INPP4B: variants seen among roughly 807,000 people sequenced by gnomAD.
The protein encoded by INPP4B is inositol polyphosphate-4-phosphatase type II B.
INPP4B carries 55 observed loss-of-function variants against 122.5 expected under a neutral mutation model. The ratio of observed to expected loss-of-function variants is 0.45; its 90% CI spans 0.36 to 0.56. The LOEUF (loss-of-function observed/expected upper bound fraction) is 0.56. INPP4B is among the 20% of genes least tolerant of loss of function. The probability of loss-of-function intolerance (pLI) is 0.00; values close to 1 mark genes in which losing one functional copy is unlikely to be tolerated. For missense variants in INPP4B, 1,000 were observed against 1,097.7 expected (o/e 0.91, Z 1.26); for synonymous variants, 403 against 388.7 (o/e 1.04, Z -0.43).
intron 6 of INPP4B, 59 bp downstream of exon 6, chr4:142,405,147 G>A (rs1444248767): frequency 4.1e-6 from 4 of 985,410 alleles, no homozygotes; most frequent in Non-Finnish European, 6.4e-6. Flanking sequence ...GAGCAAGAGC[G>A]AGCGAGCCAG....
intron 7 of INPP4B, among the ~76,000 whole-genome samples, chr4:142,337,745 TTATATATTTTA>T (rs1367078764): frequency 6.9e-5 from 9 of 131,338 alleles, no homozygotes; most frequent in Admixed American, 2.6e-4. Context: ...TTTATATATA[TTATATATTTTA>T]TATATATTTT....
rs79325965 is a variant in INPP4B at position 142,476,744 on chromosome 4, A to G, written c.-190-14018T>C. On this transcript the variant is annotated intron_variant, in intron 2 of 25. Coordinates refer to ENST00000262992, the MANE Select transcript of INPP4B (RefSeq NM_001101669.3). ...ACAAAATGGTAAAGGGTCAAATTCA[A>G]CAAAAAGACCTAACTATCCAATGTA... Among the ~76,000 whole-genome samples the G allele has an allele frequency of 6.2e-3, 952 of 152,322 alleles. 14 individuals are homozygous for G. Among genetic ancestry groups the G allele is most frequent in the African/African-American group, 0.022 (898 of 41,576 alleles).
At chr4:142,047,659 C>T (rs995608686) in intron 25 of INPP4B, among the ~76,000 whole-genome samples, 2 of 151,984 alleles carry the variant, frequency 1.3e-5, no homozygotes, top group Non-Finnish European at 2.9e-5. Context: ...CTCCTCTCAT[C>T]CCCCATCTGT....
chr4:142,193,288 G>A (rs940499152), intron 14 of INPP4B, 93 bp from the exon 15 acceptor site: 1 of 680,940 alleles, frequency 1.5e-6, no homozygotes, highest in African/African-American at 1.8e-5. Flanking sequence ...TAGGAAGTAT[G>A]AGAAATTATT....
rs76481066 is a variant in INPP4B at position 142,474,863 on chromosome 4, T to C, written c.-190-12137A>G. On this transcript the variant is annotated intron_variant, in intron 2 of 25. Coordinates refer to ENST00000262992, the MANE Select transcript of INPP4B (RefSeq NM_001101669.3). ...TCCAGCCCAGTGGTTTTACTTTTACTTAAATTTGCCAAAGACCACAGCCTC... is the reference window on the plus strand; with the variant it reads ...TCCAGCCCAGTGGTTTTACTTTTACCTAAATTTGCCAAAGACCACAGCCTC... Among the ~76,000 whole-genome samples, 953 of 152,278 alleles carry C rather than the reference T, an allele frequency of 6.3e-3. 14 individuals carry two copies. Among genetic ancestry groups the C allele is most frequent in the African/African-American group, 0.022 (899 of 41,562 alleles).
intron 25 of INPP4B, among the ~76,000 whole-genome samples, chr4:142,058,852 T>A (rs1759095298): frequency 6.6e-6 from 1 of 152,126 alleles, no homozygotes; most frequent in Non-Finnish European, 1.5e-5. Flanking sequence ...TGATAGTGTT[T>A]ACAACAATTG....
chr4:142,724,872 CATTT>C (rs2150856648), intron 2 of INPP4B, among the ~76,000 whole-genome samples: 1 of 152,132 alleles, frequency 6.6e-6, no homozygotes, highest in Non-Finnish European at 1.5e-5. Context: ...TTTCAGTACT[CATTT>C]ATTTTTAGAA....
At chr4:142,183,875 A>C (rs372368424) in intron 15 of INPP4B, among the ~76,000 whole-genome samples, 2 of 152,158 alleles carry the variant, frequency 1.3e-5, no homozygotes, top group African/African-American at 4.8e-5. Context: ...ATTAGACTTA[A>C]CATTTTTACT....
At chr4:142,554,468 T>C (rs1728719922) in intron 2 of INPP4B, among the ~76,000 whole-genome samples, 1 of 151,990 alleles carries the variant, frequency 6.6e-6, no homozygotes, top group African/African-American at 2.4e-5. Context: ...GCAACTCTGC[T>C]CATGTCACAC....
intron 2 of INPP4B, among the ~76,000 whole-genome samples, chr4:142,684,600 C>T (rs192082383): frequency 2.0e-4 from 31 of 151,752 alleles, no homozygotes; most frequent in African/African-American, 4.4e-4. Context: ...GAATTTAGGA[C>T]GGTGAAAGAA....
chr4:142,260,256 T>G lies in INPP4B; in HGVS notation c.688+236A>C, dbSNP rs189995093. Among the ~76,000 whole-genome samples the G allele has an allele frequency of 2.4e-3, 370 of 152,276 alleles. 2 individuals carry two copies. The highest frequency in any genetic ancestry group is 4.0e-3 in the Non-Finnish European group (275 of 68,024). On this transcript the variant is annotated intron_variant, in intron 11 of 25. Transcript: ENST00000262992. The stretch of plus-strand genomic sequence containing the variant: ...GCCTCGGCCTCCCAAAGTGCTGGGA[T>G]TACGGACGTGAGCCACCGCGCCTGG...
At chr4:142,514,839 A>AG (rs1387714982) in intron 2 of INPP4B, among the ~76,000 whole-genome samples, 1 of 127,198 alleles carries the variant, frequency 7.9e-6, no homozygotes. Context: ...TCTGTCACCC[A>AG]GGCTGGAATG....
intron 5 of INPP4B, among the ~76,000 whole-genome samples, chr4:142,423,047 C>G (rs764049912): frequency 6.6e-6 from 1 of 151,846 alleles, no homozygotes; most frequent in Non-Finnish European, 1.5e-5. Flanking sequence ...ATGTAAAAGG[C>G]AAAAATACTA....
At chr4:142,837,830 A>T (rs1432221161) in intron 1 of INPP4B, among the ~76,000 whole-genome samples, 1 of 152,050 alleles carries the variant, frequency 6.6e-6, no homozygotes, top group Non-Finnish European at 1.5e-5. Flanking sequence ...ATCACTCCTA[A>T]GAAAAATAAT....
intron 1 of INPP4B, among the ~76,000 whole-genome samples, chr4:142,822,816 T>C (rs562911234): frequency 1.2e-4 from 19 of 152,314 alleles, no homozygotes; most frequent in Admixed American, 6.5e-4. Context: ...AGTCTTACAA[T>C]TTGGAATTCC....
At chr4:142,399,082 G>A (rs956436383) in intron 7 of INPP4B, among the ~76,000 whole-genome samples, 25 of 151,770 alleles carry the variant, frequency 1.6e-4, no homozygotes, top group Non-Finnish European at 3.2e-4. Context: ...GGTGTTGGAA[G>A]AGGCTTACTC....
chr4:142,563,142 A>G (rs1289553032), intron 2 of INPP4B, among the ~76,000 whole-genome samples: 2 of 152,232 alleles, frequency 1.3e-5, no homozygotes, highest in African/African-American at 4.8e-5. Context: ...ATATGACAGA[A>G]TGAAAGCAGG....
At chr4:142,545,837 A>AT (rs1350672384) in intron 2 of INPP4B, among the ~76,000 whole-genome samples, 4 of 145,418 alleles carry the variant, frequency 2.8e-5, no homozygotes, top group South Asian at 4.4e-4. Context: ...ATATATATAT[A>AT]AAATGGTCTG....
intron 25 of INPP4B, among the ~76,000 whole-genome samples, chr4:142,078,224 G>A (rs1197583109): frequency 6.6e-6 from 1 of 152,088 alleles, no homozygotes; most frequent in East Asian, 1.9e-4. Context: ...TTGTACAAAG[G>A]GTGGATTCAG....
Sources: gnomAD v4.1 joint callset for allele counts (sites outside exome capture counted in the v4.1 genomes callset) on GRCh38, gnomAD v4.1.1 for gene constraint, MANE v1.5 for transcripts, NCBI Gene and HGNC (gene_info 2026-07-23, HGNC 2026-07-21) for gene names.